PARD3B: variants seen among roughly 807,000 people sequenced by gnomAD.
PARD3B encodes partitioning defective 3 homolog B.
PARD3B carries 103 observed loss-of-function variants against 130.2 expected under a neutral mutation model. The ratio of observed to expected loss-of-function variants is 0.79; its 90% confidence interval spans 0.67 to 0.93. The LOEUF is 0.93. PARD3B is among the 40% of genes least tolerant of loss of function. The probability of loss-of-function intolerance (pLI) is 0.00; values close to 1 mark genes in which losing one functional copy is unlikely to be tolerated. For synonymous variants in PARD3B, 583 were observed against 553.2 expected (o/e 1.05, Z -0.76); for missense variants, 1,609 against 1,499.2 (o/e 1.07, Z -1.21).
intron 18 of PARD3B, among the ~76,000 whole-genome samples, chr2:205,315,413 G>C (rs1201858402): frequency 6.6e-6 from 1 of 152,066 alleles, no homozygotes; most frequent in African/African-American, 2.4e-5. Context: ...TTCTGCCTTG[G>C]GAGCCGAGAT....
intron 10 of PARD3B, among the ~76,000 whole-genome samples, chr2:205,156,285 A>T (rs1420651508): frequency 4.2e-4 from 62 of 149,070 alleles, no homozygotes; most frequent in Non-Finnish European, 7.0e-4. Context: ...GGGGGGAGGA[A>T]TAGCATTAGG....
chr2:205,619,098 T>G lies in PARD3B; in HGVS notation c.*3285T>G, dbSNP rs1385757666. ...ACAGAGGCTTCACTGTAGCTATAGTTTTCCACCAAGTCAATCAAATTAAAA... is the reference window on the plus strand; with the variant it reads ...ACAGAGGCTTCACTGTAGCTATAGTGTTCCACCAAGTCAATCAAATTAAAA... On this transcript the variant is annotated 3_prime_UTR_variant, in exon 23 of 23. Transcript: ENST00000406610. The G allele has an allele frequency of 1.3e-5, 2 of 152,100 alleles. No individual in the cohort carries two copies. Among genetic ancestry groups the G allele is most frequent in the African/African-American group, 4.8e-5 (2 of 41,420 alleles). The allele number at this position is 152,100 out of a possible 1,614,324, so 9.4% of individuals were successfully genotyped here.
chr2:204,598,345 G>A (rs2033378360), intron 1 of PARD3B, among the ~76,000 whole-genome samples: 1 of 152,096 alleles, frequency 6.6e-6, no homozygotes, highest in South Asian at 2.1e-4. Context: ...CCCACTATCA[G>A]AGATAACTGT....
At chr2:204,803,159 A>T (rs930962175) in intron 2 of PARD3B, among the ~76,000 whole-genome samples, 3,700 of 120,666 alleles carry the variant, frequency 0.031, 56 homozygotes, top group African/African-American at 0.047. Flanking sequence ...AAAAAAAAAA[A>T]AAAAATATAT....
At chr2:205,365,012 C>T (rs569787624) in intron 18 of PARD3B, among the ~76,000 whole-genome samples, 5 of 151,994 alleles carry the variant, frequency 3.3e-5, no homozygotes, top group Admixed American at 6.6e-5. Context: ...CCAGCCTGGG[C>T]AAGATGGTGA....
intron 7 of PARD3B, among the ~76,000 whole-genome samples, chr2:205,119,594 T>G (rs1313026741): frequency 6.6e-6 from 1 of 151,988 alleles, no homozygotes. Context: ...AACTGGCCAA[T>G]ATGGTGAAAC....
chr2:205,097,077 G>T (rs147230191), intron 4 of PARD3B, among the ~76,000 whole-genome samples: 18 of 152,216 alleles, frequency 1.2e-4, no homozygotes, highest in East Asian at 1.2e-3. Context: ...TCTTCGACAA[G>T]ATAGTCATCT....
At chr2:205,495,693 A>G (rs561631100) in intron 20 of PARD3B, among the ~76,000 whole-genome samples, 8 of 152,282 alleles carry the variant, frequency 5.3e-5, no homozygotes, top group South Asian at 4.1e-4. Flanking sequence ...CTTGTTCAGT[A>G]TCTTGCTAGA....
chr2:204,759,567 A>G (rs2040815788), intron 2 of PARD3B, among the ~76,000 whole-genome samples: 1 of 152,134 alleles, frequency 6.6e-6, no homozygotes, highest in East Asian at 1.9e-4. Flanking sequence ...CTATATGGCC[A>G]TACCATAATT....
intron 18 of PARD3B, among the ~76,000 whole-genome samples, chr2:205,328,675 T>C (rs2043014382): frequency 3.3e-5 from 5 of 152,210 alleles, no homozygotes. Flanking sequence ...CTGTAACCTA[T>C]TTTTAAAAAA....
intron 2 of PARD3B, among the ~76,000 whole-genome samples, chr2:204,691,820 A>AT (rs59511294): frequency 0.13 from 19,604 of 152,114 alleles, 2,998 homozygotes; most frequent in African/African-American, 0.37. Context: ...ACTGATATGA[A>AT]TGAAGTTATT....
chr2:205,298,979 G>A (rs1466588873), intron 16 of PARD3B, among the ~76,000 whole-genome samples: 1 of 152,118 alleles, frequency 6.6e-6, no homozygotes, highest in Non-Finnish European at 1.5e-5. Context: ...GTAAAATGGG[G>A]CTAAAAGTAG....
intron 2 of PARD3B, among the ~76,000 whole-genome samples, chr2:204,963,241 C>G (rs975114241): frequency 1.3e-5 from 2 of 152,160 alleles, no homozygotes; most frequent in Non-Finnish European, 2.9e-5. Flanking sequence ...TTACTGCATA[C>G]ACTGTATTCT....
At chr2:204,962,220 C>A (rs746169017) in intron 2 of PARD3B, among the ~76,000 whole-genome samples, 6 of 152,026 alleles carry the variant, frequency 3.9e-5, no homozygotes, top group Non-Finnish European at 7.4e-5. Context: ...CAGTAGGTGG[C>A]ATGAGGACAC....
At chr2:205,552,954 T>C (rs536309251) in intron 21 of PARD3B, among the ~76,000 whole-genome samples, 1 of 152,188 alleles carries the variant, frequency 6.6e-6, no homozygotes, top group South Asian at 2.1e-4. Context: ...GTATGGGAAG[T>C]CTCTATACTA....
intron 18 of PARD3B, among the ~76,000 whole-genome samples, chr2:205,394,822 A>G (rs2045970156): frequency 6.6e-6 from 1 of 152,184 alleles, no homozygotes; most frequent in Non-Finnish European, 1.5e-5. Context: ...GTCAAATAGC[A>G]GTTACCAGGC....
At chr2:204,868,581 G>T (rs912545775) in intron 2 of PARD3B, among the ~76,000 whole-genome samples, 1 of 152,162 alleles carries the variant, frequency 6.6e-6, no homozygotes, top group African/African-American at 2.4e-5. Context: ...GAAACCCGGA[G>T]AATTTGAGTT....
At chr2:205,362,960 T>A (rs2044448549) in intron 18 of PARD3B, among the ~76,000 whole-genome samples, 1 of 152,066 alleles carries the variant, frequency 6.6e-6, no homozygotes. Flanking sequence ...CAACCTTCCG[T>A]GTAGATCCAT....
intron 1 of PARD3B, among the ~76,000 whole-genome samples, chr2:204,572,086 A>G (rs2032036043): frequency 6.6e-6 from 1 of 152,204 alleles, no homozygotes; most frequent in African/African-American, 2.4e-5. Flanking sequence ...CAATTGGGGA[A>G]GGGAGAAAGG....
Sources: gnomAD v4.1 joint callset for allele counts (sites outside exome capture counted in the v4.1 genomes callset) on GRCh38, gnomAD v4.1.1 for gene constraint, MANE v1.5 for transcripts, NCBI Gene and HGNC (gene_info 2026-07-23, HGNC 2026-07-21) for gene names.